Variants in COL17A1 observed in about 807,000 individuals in gnomAD.
COL17A1 encodes the protein collagen alpha-1(XVII) chain.
A neutral mutation model predicts 218.4 loss-of-function variants in COL17A1; 181 were observed. That is an observed-to-expected ratio of 0.83 (90% CI 0.73 to 0.94). COL17A1 has a LOEUF of 0.94. Ranked by LOEUF, COL17A1 falls within the 40% of genes least tolerant of loss-of-function variation. The probability of loss-of-function intolerance (pLI) is 0.00; values close to 1 mark genes in which losing one functional copy is unlikely to be tolerated. For synonymous variants in COL17A1, 721 were observed against 731.0 expected (o/e 0.99, Z 0.22); for missense variants, 1,924 against 1,945.9 (o/e 0.99, Z 0.21).
chr10:104,034,658 G>T lies in COL17A1; in HGVS notation c.3729C>A (p.Ser1243Arg). The T allele has an allele frequency of 6.2e-7, 1 of 1,609,860 alleles. No individual in the cohort carries two copies. The highest frequency in any genetic ancestry group is 1.1e-5 in the South Asian group (1 of 89,832). The change falls in exon 51 of 56, where the codon AGC (serine) becomes AGA (arginine). Residue 1243 changes from serine to arginine, a missense_variant. Transcript: ENST00000648076. ...GALATYAAEN[S>R]DSFRSELISY... is the part of the protein sequence containing the mutation. ...TGATCAGCTCGCTCCGGAAGCTGTC[G>T]CTGTTTTCAGCTGCATAGGTTGCCA... is the stretch of plus-strand genomic sequence containing the variant.
chr10:104,073,101 A>G, intron 7 of COL17A1, 109 bp downstream of exon 7: 1 of 1,013,958 alleles, frequency 9.9e-7, no homozygotes, highest in Non-Finnish European at 1.6e-6. Flanking sequence ...AGCATGCCTT[A>G]TTTATTCTTC....
chr10:104,071,274 C>T (rs915828181), intron 8 of COL17A1, among the ~76,000 whole-genome samples: 45 of 152,064 alleles, frequency 3.0e-4, no homozygotes, highest in African/African-American at 1.1e-3. Context: ...TTCGCCTCAC[C>T]ACCCCTAAGC....
chr10:104,045,190 C>T (rs1294359287), intron 33 of COL17A1, among the ~76,000 whole-genome samples: 6 of 152,186 alleles, frequency 3.9e-5, no homozygotes, highest in African/African-American at 1.4e-4. Context: ...GGCATCACCA[C>T]ATTGCCCCAG....
At position 104,034,787 on chromosome 10, in the gene COL17A1, A is replaced by G. The variant is rs756275676; in HGVS notation, c.3620-20T>C. The G allele has an allele frequency of 6.2e-7, 1 of 1,610,172 alleles. No homozygotes were observed. On this transcript the variant is annotated intron_variant, in intron 50 of 55. Transcript: ENST00000648076. The stretch of plus-strand genomic sequence containing the variant: ...CGGCAGCTGGGCAGAAGGAAGAGAA[A>G]GAAAGGTCGGGGTAGTGCTGCGGAG...
At chr10:104,049,911 C>A (rs1437910373) in intron 28 of COL17A1, among the ~76,000 whole-genome samples, 178 bp downstream of exon 28, 1 of 152,194 alleles carries the variant, frequency 6.6e-6, no homozygotes, top group Non-Finnish European at 1.5e-5. Flanking sequence ...CATCTGGATA[C>A]CTCCTTATCC....
In COL17A1 at chr10:104,049,461, G is replaced by T; in HGVS notation, c.2175C>A (p.Gly725=). Residue 725 remains glycine (G), a synonymous_variant, in exon 29 of 56, where the codon GGC becomes GGA. Coordinates refer to ENST00000648076, the MANE Select transcript of COL17A1 (RefSeq NM_000494.4). The stretch of plus-strand genomic sequence containing the variant: ...CAACAGCACCAGGCAAACCTCTCAT[G>T]CCAGGCTCGCCTGCAAAGGACAAAG... The part of the protein sequence containing the change: ...KGPRGLTGEP[G]MRGLPGAVGE... 6.2e-7 allele frequency: 1 copy of T among 1,614,168 alleles called. No individual in the cohort carries two copies. The highest frequency in any genetic ancestry group is 8.5e-7 in the Non-Finnish European group (1 of 1,180,008).
chr10:104,056,940 A>G, intron 17 of COL17A1, 35 bp downstream of exon 17: 2 of 1,553,118 alleles, frequency 1.3e-6, no homozygotes, highest in Non-Finnish European at 1.7e-6. Flanking sequence ...CCTGCCTCCT[A>G]CCACACAGGC....
chr10:104,062,962 T>C (rs949518371), intron 11 of COL17A1, among the ~76,000 whole-genome samples: 5 of 152,266 alleles, frequency 3.3e-5, no homozygotes, highest in Non-Finnish European at 7.3e-5. Flanking sequence ...CCTTGGGACC[T>C]GGTTTTTATC....
intron 48 of COL17A1, among the ~76,000 whole-genome samples, chr10:104,036,002 ATG>A (rs1196350816): frequency 4.9e-5 from 6 of 121,874 alleles, no homozygotes; most frequent in Admixed American, 1.7e-4. Flanking sequence ...GTGTATGCAT[ATG>A]TGAGTGTGTA....
chr10:104,032,633 G>A, intron 55 of COL17A1, 41 bp downstream of exon 55: 1 of 1,581,256 alleles, frequency 6.3e-7, no homozygotes, highest in Non-Finnish European at 8.7e-7. Flanking sequence ...CAGCCTTGCA[G>A]CCCTCCAGAA....
chr10:104,063,444 C>T (rs1172583478), intron 11 of COL17A1: 3 of 406,242 alleles, frequency 7.4e-6, no homozygotes, highest in Non-Finnish European at 9.3e-6. Context: ...ATGCCTTTAC[C>T]CTGAAAATGT....
At chr10:104,050,813 C>A (rs750261467) in intron 26 of COL17A1, 35 bp downstream of exon 26, 3 of 1,614,154 alleles carry the variant, frequency 1.9e-6, no homozygotes, top group South Asian at 2.2e-5. Flanking sequence ...GTCCATCAGA[C>A]CCTCACTGTC....
At chr10:104,053,651 C>G (rs1208229969) in intron 22 of COL17A1, among the ~76,000 whole-genome samples, 1 of 152,058 alleles carries the variant, frequency 6.6e-6, no homozygotes, top group Non-Finnish European at 1.5e-5. Context: ...TTACTCTCCC[C>G]AGCTCTCATT....
chr10:104,049,330 C>T, intron 29 of COL17A1, 79 bp downstream of exon 29: 1 of 1,342,696 alleles, frequency 7.4e-7, no homozygotes. Flanking sequence ...AGAGGCAGCT[C>T]TAGAAGACGG....
In COL17A1 at chr10:104,055,782, C is replaced by T; in HGVS notation, c.1687G>A (p.Gly563Arg). The change falls in exon 18 of 56, where the codon GGA becomes AGA. Residue 563 changes from glycine to arginine, a missense_variant and splice_region_variant. Transcript: ENST00000648076. The part of the protein sequence containing the change: ...RKKLMMEQEN[G>R]NLRGSPGPKG... Reference sequence around the variant, plus strand: ...GCCCTGTGCCCGGCGATGCTCTCACCATTTTCCTGTTCCATCATTAGCTTC... The same window carrying T: ...GCCCTGTGCCCGGCGATGCTCTCACTATTTTCCTGTTCCATCATTAGCTTC... 1.2e-6 allele frequency: 2 copies of T among 1,614,058 alleles called. No homozygotes were observed. The highest frequency in any genetic ancestry group is 1.7e-6 in the Non-Finnish European group (2 of 1,180,042).
At chr10:104,045,606 C>T in intron 33 of COL17A1, 152 bp downstream of exon 33, 3 of 740,280 alleles carry the variant, frequency 4.1e-6, no homozygotes, top group Middle Eastern at 2.7e-4. Flanking sequence ...TCACAAATCC[C>T]TGGGCTCCCA....
chr10:104,066,218 C>T (rs1031054202), intron 9 of COL17A1, among the ~76,000 whole-genome samples: 9 of 152,130 alleles, frequency 5.9e-5, no homozygotes, highest in African/African-American at 9.7e-5. Flanking sequence ...ACAAAATGCA[C>T]CAAGACAACC....
intron 9 of COL17A1, among the ~76,000 whole-genome samples, 161 bp from the exon 10 acceptor site, chr10:104,064,757 G>C (rs1381187741): frequency 1.3e-5 from 2 of 152,206 alleles, no homozygotes; most frequent in Non-Finnish European, 2.9e-5. Context: ...GTTTCCATCT[G>C]AAATCTCAGA....
intron 46 of COL17A1, 122 bp downstream of exon 46, chr10:104,037,514 G>A: frequency 1.5e-6 from 2 of 1,302,186 alleles, no homozygotes; most frequent in Admixed American, 1.7e-5. Flanking sequence ...TATGAATTCG[G>A]AATTAAAACT....
Sources: gnomAD v4.1 joint callset for allele counts (sites outside exome capture counted in the v4.1 genomes callset) on GRCh38, gnomAD v4.1.1 for gene constraint, MANE v1.5 for transcripts, NCBI Gene and HGNC (gene_info 2026-07-23, HGNC 2026-07-21) for gene names.